The following SLC35D2 variants were observed in gnomAD, a reference collection of about 807,000 sequenced individuals.
The protein encoded by SLC35D2 is nucleotide sugar transporter SLC35D2.
In SLC35D2, 43 loss-of-function variants were observed where a neutral mutation model predicts 41.8. That is an observed-to-expected ratio of 1.03 (90% CI 0.81 to 1.33). The LOEUF is 1.33. Ranked by LOEUF, SLC35D2 falls within the 40% of genes most tolerant of loss-of-function variation. The pLI, the probability that SLC35D2 is intolerant of heterozygous loss-of-function variation, is 0.00. For synonymous variants in SLC35D2, 150 were observed against 163.9 expected (o/e 0.92, Z 0.65); for missense variants, 380 against 408.4 (o/e 0.93, Z 0.60).
chr9:96,358,080 T>TATA (rs1554715405), intron 4 of SLC35D2, among the ~76,000 whole-genome samples: 4,431 of 122,580 alleles, frequency 0.036, 216 homozygotes, highest in Non-Finnish European at 0.054. Flanking sequence ...ATTATATATT[T>TATA]TATATATATA....
chr9:96,368,907 G>GGC (rs937395132), intron 1 of SLC35D2, among the ~76,000 whole-genome samples: 4 of 151,790 alleles, frequency 2.6e-5, no homozygotes, highest in African/African-American at 9.7e-5. Context: ...TGGGACTATA[G>GGC]GCGCGCACCA....
At chr9:96,372,675 C>A (rs1212336233) in intron 1 of SLC35D2, among the ~76,000 whole-genome samples, 4 of 147,768 alleles carry the variant, frequency 2.7e-5, no homozygotes, top group Non-Finnish European at 4.5e-5. Flanking sequence ...ACCTTCGCCT[C>A]CCAGGGTCAA....
chr9:96,368,205 G>T, intron 2 of SLC35D2, 67 bp downstream of exon 2: 1 of 1,299,448 alleles, frequency 7.7e-7, no homozygotes, highest in South Asian at 1.3e-5. Context: ...TTAAACAAAA[G>T]GACTTAAAAT....
rs114641271 is a variant in SLC35D2 at position 96,315,379 on chromosome 9, G to C, written c.*1036-480C>G. The stretch of plus-strand genomic sequence containing the variant: ...TCAAGCAATCCATCCGCCTGCTTTG[G>C]CCTTCCAAAATGCTAGGATTACAGA... On this transcript the variant is annotated intron_variant and NMD_transcript_variant, in intron 11 of 11. Coordinates refer to the SLC35D2 transcript ENST00000650065. Among the ~76,000 whole-genome samples the C allele has an allele frequency of 8.3e-3, 1,041 of 124,724 alleles. 17 individuals carry two copies. The highest frequency in any genetic ancestry group is 0.027 in the African/African-American group (961 of 35,324). The allele number at this position is 124,724 out of a possible 152,430, so 81.8% of individuals were successfully genotyped here.
intron 1 of SLC35D2, among the ~76,000 whole-genome samples, chr9:96,370,612 G>A (rs536918623): frequency 3.3e-5 from 5 of 152,112 alleles, no homozygotes; most frequent in East Asian, 1.9e-4. Context: ...AGCCGAGATC[G>A]TGCCACTGCA....
intron 2 of SLC35D2, 40 bp downstream of exon 2, chr9:96,368,232 A>AT: frequency 6.6e-7 from 1 of 1,514,478 alleles, no homozygotes; most frequent in Non-Finnish European, 9.1e-7. Context: ...ATGAATACTG[A>AT]TAACAAAATA....
At chr9:96,382,172 C>A (rs116879482) in intron 1 of SLC35D2, among the ~76,000 whole-genome samples, 4,095 of 151,756 alleles carry the variant, frequency 0.027, 86 homozygotes, top group Middle Eastern at 0.054. Context: ...TCAGTTTTCT[C>A]GAATATAAAA....
At chr9:96,349,074 G>C (rs1390917659) in intron 6 of SLC35D2, among the ~76,000 whole-genome samples, 1 of 152,124 alleles carries the variant, frequency 6.6e-6, no homozygotes, top group Non-Finnish European at 1.5e-5. Flanking sequence ...TGGTACCCTG[G>C]CATACAGATT....
chr9:96,345,715 G>C (rs1230224264), intron 6 of SLC35D2, among the ~76,000 whole-genome samples: 1 of 152,180 alleles, frequency 6.6e-6, no homozygotes, highest in Non-Finnish European at 1.5e-5. Flanking sequence ...TTCCTAAGGG[G>C]AGTGATTCGC....
intron 1 of SLC35D2, among the ~76,000 whole-genome samples, chr9:96,373,769 C>T (rs35667351): frequency 0.025 from 3,846 of 152,150 alleles, 72 homozygotes; most frequent in Middle Eastern, 0.054. Flanking sequence ...TTCAAGTGTC[C>T]CAGGCTGCAA....
downstream of SLC35D2, among the ~76,000 whole-genome samples, chr9:96,317,975 G>A (rs915942790): frequency 6.6e-6 from 1 of 151,250 alleles, no homozygotes; most frequent in Non-Finnish European, 1.5e-5. Flanking sequence ...GTTCGAGATT[G>A]TAGTGAGCCG....
At chr9:96,383,453 C>T in intron 1 of SLC35D2, 24 bp downstream of exon 1, 1 of 1,515,906 alleles carries the variant, frequency 6.6e-7, no homozygotes, top group South Asian at 1.2e-5. Flanking sequence ...CCCGCAGACC[C>T]CCCGGCCCCG....
chr9:96,349,816 C>T (rs760719781), intron 6 of SLC35D2, among the ~76,000 whole-genome samples: 6 of 152,222 alleles, frequency 3.9e-5, no homozygotes, highest in Admixed American at 2.0e-4. Context: ...TGAGCCACCA[C>T]GCCCGGCCTG....
In SLC35D2 at chr9:96,363,295, CT is replaced by C. The variant is rs1228850126; in HGVS notation, c.279+1168del. Reference sequence around the variant, plus strand: ...GGGATTATAGGCGTGAGCCACCACACTGGGCTCCCCTGATTACTGATGCTGT... The same window carrying C: ...GGGATTATAGGCGTGAGCCACCACACGGGCTCCCCTGATTACTGATGCTGT... On this transcript the variant is annotated intron_variant, in intron 3 of 11. Transcript: ENST00000253270. Among the ~76,000 whole-genome samples, 3 of 152,244 alleles carry C rather than the reference CT, an allele frequency of 2.0e-5. No individual in the cohort carries two copies. The East Asian group carries it at 5.8e-4, about 29-fold the overall frequency.
At chr9:96,352,619 G>C (rs1014032609) in intron 4 of SLC35D2, among the ~76,000 whole-genome samples, 1 of 152,056 alleles carries the variant, frequency 6.6e-6, no homozygotes, top group Non-Finnish European at 1.5e-5. Context: ...ACCGCACCTG[G>C]GCTTCACTTG....
At chr9:96,328,201 TA>T (rs1222644737) in intron 9 of SLC35D2, among the ~76,000 whole-genome samples, 4 of 151,620 alleles carry the variant, frequency 2.6e-5, no homozygotes, top group African/African-American at 9.7e-5. Context: ...AATACAAAGA[TA>T]TTTAAAAGTA....
At position 96,341,947 on chromosome 9, in the gene SLC35D2, A is replaced by AAT. The variant is rs33922006; in HGVS notation, c.684+1955_684+1956dup. On this transcript the variant is annotated intron_variant, in intron 8 of 11. Coordinates refer to ENST00000253270, the MANE Select transcript of SLC35D2 (RefSeq NM_007001.3). Reference sequence around the variant, plus strand: ...TAGATTTATATTTTTGGAAAAAAAAAATATATATATATCTAAAATACCAGA... The same window carrying AAT: ...TAGATTTATATTTTTGGAAAAAAAAAATATATATATATATCTAAAATACCAGA... 7.6e-3 allele frequency among the ~76,000 whole-genome samples: 1,146 copies of AAT among 151,034 alleles called. 4 individuals carry two copies. The highest frequency in any genetic ancestry group is 0.013 in the East Asian group (69 of 5,158).
At chr9:96,383,077 ACAGT>A (rs1392829169) in intron 1 of SLC35D2, among the ~76,000 whole-genome samples, 2 of 152,206 alleles carry the variant, frequency 1.3e-5, no homozygotes, top group Non-Finnish European at 2.9e-5. Context: ...CTGAGAATGA[ACAGT>A]CAATCAATAC....
At position 96,324,198 on chromosome 9, in the gene SLC35D2, T is replaced by C. The variant is rs1587829168; in HGVS notation, c.753-29A>G. On this transcript the variant is annotated intron_variant, in intron 9 of 11. Coordinates refer to ENST00000253270, the MANE Select transcript of SLC35D2 (RefSeq NM_007001.3). The stretch of plus-strand genomic sequence containing the variant: ...TGACAAGGAAGCAGACACTGGAGTG[T>C]GTGCCTCACTACGCTGGGTAATGAC... The C allele has an allele frequency of 1.1e-5, 17 of 1,589,778 alleles. No homozygotes were observed. The East Asian group carries it at 3.6e-4, about 33-fold the overall frequency.
Sources: gnomAD v4.1 joint callset for allele counts (sites outside exome capture counted in the v4.1 genomes callset) on GRCh38, gnomAD v4.1.1 for gene constraint, MANE v1.5 for transcripts, NCBI Gene and HGNC (gene_info 2026-07-23, HGNC 2026-07-21) for gene names.